Variants in FBN1 observed in about 807,000 individuals in gnomAD.
FBN1 encodes fibrillin-1.
Under a neutral mutation model 365.1 loss-of-function variants are expected in FBN1, and 29 were observed. The ratio of observed to expected loss-of-function variants is 0.08; its 90% CI spans 0.06 to 0.11. The LOEUF is 0.11. FBN1 is among the 10% of genes least tolerant of loss of function. The pLI is 1.00. For synonymous variants in FBN1, 1,210 were observed against 1,270.5 expected (o/e 0.95, Z 1.01); for missense variants, 2,476 against 3,703.2 (o/e 0.67, Z 8.60).
chr15:48,610,117 A>G (rs952908823), intron 4 of FBN1, among the ~76,000 whole-genome samples: 2 of 152,126 alleles, frequency 1.3e-5, no homozygotes, highest in Non-Finnish European at 2.9e-5. Flanking sequence ...ACCAATTATG[A>G]CTCACTTGCC....
At chr15:48,450,861 C>T (rs895748830) in intron 45 of FBN1, among the ~76,000 whole-genome samples, 3 of 148,746 alleles carry the variant, frequency 2.0e-5, no homozygotes, top group Admixed American at 1.3e-4. Context: ...TTGCAGCATG[C>T]CTGAAAAAAA....
At chr15:48,588,292 T>G (rs192374573) in intron 6 of FBN1, among the ~76,000 whole-genome samples, 1 of 152,322 alleles carries the variant, frequency 6.6e-6, no homozygotes, top group Admixed American at 6.5e-5. Context: ...AATATATTAT[T>G]AAAATTAATT....
intron 2 of FBN1, 173 bp downstream of exon 2, chr15:48,644,433 G>C (rs1419601637): frequency 1.2e-6 from 1 of 819,026 alleles, no homozygotes; most frequent in East Asian, 2.5e-5. Context: ...TCTGGGAGTA[G>C]GGGCAAGGTA....
chr15:48,507,151 T>C (rs7164277), intron 15 of FBN1, among the ~76,000 whole-genome samples: 55,746 of 152,044 alleles, frequency 0.37, 12,612 homozygotes, highest in African/African-American at 0.65. Context: ...CCTAGAGGCA[T>C]GAAGAGTGAA....
intron 6 of FBN1, among the ~76,000 whole-genome samples, chr15:48,546,616 T>G (rs1322773525): frequency 6.6e-6 from 1 of 152,112 alleles, no homozygotes; most frequent in Admixed American, 6.5e-5. Flanking sequence ...CGGGATATGA[T>G]GAGGAGTCTG....
At chr15:48,436,280 C>T (rs1277414324) in intron 53 of FBN1, among the ~76,000 whole-genome samples, 2 of 152,182 alleles carry the variant, frequency 1.3e-5, no homozygotes, top group Admixed American at 1.3e-4. Flanking sequence ...ACTGCTTAAA[C>T]TCCCACAGCC....
chr15:48,585,098 G>A (rs552036722), intron 6 of FBN1, among the ~76,000 whole-genome samples: 1 of 152,294 alleles, frequency 6.6e-6, no homozygotes, highest in Admixed American at 6.5e-5. Flanking sequence ...GCTAATGTAT[G>A]TTTATAAAAA....
At chr15:48,447,818 G>A (rs1597534565) in intron 46 of FBN1, among the ~76,000 whole-genome samples, 1 of 152,280 alleles carries the variant, frequency 6.6e-6, no homozygotes, top group African/African-American at 2.4e-5. Flanking sequence ...GGACTCTAAT[G>A]TGTGTCTGTG....
intron 45 of FBN1, among the ~76,000 whole-genome samples, chr15:48,451,675 G>A (rs2043202851): frequency 6.6e-6 from 1 of 152,092 alleles, no homozygotes; most frequent in African/African-American, 2.4e-5. Context: ...AATGAACCGT[G>A]AGCAAAATAA....
At chr15:48,613,303 A>C (rs2044671410) in intron 2 of FBN1, among the ~76,000 whole-genome samples, 1 of 152,248 alleles carries the variant, frequency 6.6e-6, no homozygotes, top group Non-Finnish European at 1.5e-5. Flanking sequence ...TCACCTATGC[A>C]TATGGCCCAT....
At chr15:48,547,810 CCCT>C (rs1247051081) in intron 6 of FBN1, among the ~76,000 whole-genome samples, 2 of 151,362 alleles carry the variant, frequency 1.3e-5, no homozygotes, top group African/African-American at 4.9e-5. Flanking sequence ...ATCAAGGTGG[CCCT>C]CCTCTTCTCA....
intron 18 of FBN1, among the ~76,000 whole-genome samples, chr15:48,497,811 A>G (rs2043620862): frequency 6.6e-6 from 1 of 152,198 alleles, no homozygotes; most frequent in African/African-American, 2.4e-5. Flanking sequence ...TCCTAAAAAC[A>G]AGGTATTATA....
chr15:48,486,846 G>A (rs183610587), intron 29 of FBN1, among the ~76,000 whole-genome samples: 1 of 152,224 alleles, frequency 6.6e-6, no homozygotes, highest in Non-Finnish European at 1.5e-5. Context: ...TCACTTAACT[G>A]GCTCTTTAAA....
Position 48,523,141 on chromosome 15 carries a change from G to A in FBN1, c.989-2324C>T, listed in dbSNP as rs181501280. 2.6e-3 allele frequency among the ~76,000 whole-genome samples: 393 copies of A among 152,374 alleles called. 1 individual carries two copies. The highest frequency in any genetic ancestry group is 9.2e-3 in the African/African-American group (384 of 41,584). ...ATGGAAACCAAAGACTGTTCAGAAT[G>A]GGAAGAGATATTCAAAACTGGCTTA... On this transcript the variant is annotated intron_variant, in intron 9 of 65. Transcript: ENST00000316623.
intron 6 of FBN1, among the ~76,000 whole-genome samples, chr15:48,577,544 T>C (rs2140681800): frequency 6.6e-6 from 1 of 152,296 alleles, no homozygotes; most frequent in Non-Finnish European, 1.5e-5. Flanking sequence ...CTTTTTTTCC[T>C]CTCATTTTAT....
At chr15:48,467,766 A>G (rs1254672507) in intron 38 of FBN1, among the ~76,000 whole-genome samples, 172 bp downstream of exon 38, 1 of 151,976 alleles carries the variant, frequency 6.6e-6, no homozygotes, top group Non-Finnish European at 1.5e-5. Flanking sequence ...TTTTAGTGTG[A>G]GCCAACCAGG....
In FBN1 at chr15:48,410,789, G is replaced by A. The variant is rs974737007; in HGVS notation, c.*201C>T. On this transcript the variant is annotated 3_prime_UTR_variant, in exon 66 of 66. Coordinates refer to ENST00000316623, the MANE Select transcript of FBN1 (RefSeq NM_000138.5). ...GACAAGGTAGCTTAGCTACACACATGAGAAGCCTGAGAAAGTGGTTGTTTT... is the reference window on the plus strand; with the variant it reads ...GACAAGGTAGCTTAGCTACACACATAAGAAGCCTGAGAAAGTGGTTGTTTT... 6 of 586,648 alleles carry A rather than the reference G, an allele frequency of 1.0e-5. No individual in the cohort carries two copies. The highest frequency in any genetic ancestry group is 9.3e-5 in the African/African-American group (5 of 53,516). The allele number at this position is 586,648 out of a possible 1,614,324, so 36.3% of individuals were successfully genotyped here.
At chr15:48,544,569 T>G (rs2044081154) in intron 6 of FBN1, among the ~76,000 whole-genome samples, 1 of 152,202 alleles carries the variant, frequency 6.6e-6, no homozygotes, top group South Asian at 2.1e-4. Flanking sequence ...ACAAGGTGAT[T>G]TGTTGTACAC....
Position 48,432,753 on chromosome 15 carries a change from G to A in FBN1, c.6739+113C>T, listed in dbSNP as rs572208672. On this transcript the variant is annotated intron_variant, in intron 55 of 65. Transcript: ENST00000316623. ...CAGTGACAACCCCCGTATTGTCCAC[G>A]GACTATTTATATTCCAATTCCCAGC... The A allele has an allele frequency of 3.6e-6, 5 of 1,377,356 alleles. No homozygotes were observed. In the African/African-American group the frequency reaches 4.3e-5, roughly 12 times the overall value. 85.3% of individuals were successfully genotyped at this position (1,377,356 alleles called of 1,614,324 possible).
Sources: allele counts gnomAD v4.1 joint callset (sites outside exome capture counted in the v4.1 genomes callset), GRCh38; gene constraint gnomAD v4.1.1; transcripts MANE v1.5; gene names NCBI Gene and HGNC (gene_info 2026-07-23, HGNC 2026-07-21).